Variants in HECTD4 observed in about 807,000 individuals in gnomAD.
The protein encoded by HECTD4 is probable E3 ubiquitin-protein ligase HECTD4.
HECTD4 carries 114 observed loss-of-function variants against 471.5 expected under a neutral mutation model. The ratio of observed to expected loss-of-function variants is 0.24; its 90% CI spans 0.21 to 0.28. HECTD4 has a LOEUF of 0.28. HECTD4 is among the 10% of genes least tolerant of loss of function. The pLI is 1.00. For synonymous variants in HECTD4, 2,012 were observed against 2,256.0 expected (o/e 0.89, Z 3.07); for missense variants, 3,866 against 5,651.5 (o/e 0.68, Z 10.13).
intron 29 of HECTD4, among the ~76,000 whole-genome samples, chr12:112,246,470 C>A (rs1291962959): frequency 6.6e-6 from 1 of 151,976 alleles, no homozygotes; most frequent in African/African-American, 2.4e-5. Context: ...CCCGTCTCTA[C>A]CAAAAATACA....
intron 62 of HECTD4, among the ~76,000 whole-genome samples, chr12:112,180,114 G>A (rs74187049): frequency 0.087 from 13,211 of 152,270 alleles, 629 homozygotes; most frequent in East Asian, 0.23. Flanking sequence ...CCTCTGGACT[G>A]CTCCCTCTCC....
At position 112,161,579 on chromosome 12, in the gene HECTD4, C is replaced by T. The variant is rs555658241; in HGVS notation, c.*808G>A. The stretch of plus-strand genomic sequence containing the variant: ...CAACCAGAGTCTCGGAGGAGGCCCC[C>T]ACCTGAGCATTGTCCCCCATCTCTG... On this transcript the variant is annotated 3_prime_UTR_variant, in exon 76 of 76. Coordinates refer to ENST00000682272, the MANE Select transcript of HECTD4 (RefSeq NM_001388303.1). The T allele has an allele frequency of 8.1e-4, 123 of 152,660 alleles. No homozygotes were observed. Among genetic ancestry groups the T allele is most frequent in the Non-Finnish European group, 1.5e-3 (105 of 68,362 alleles). The allele number at this position is 152,660 out of a possible 1,614,324, so 9.5% of individuals were successfully genotyped here.
At chr12:112,303,678 T>A (rs1453889745) in intron 7 of HECTD4, among the ~76,000 whole-genome samples, 1 of 151,714 alleles carries the variant, frequency 6.6e-6, no homozygotes, top group African/African-American at 2.4e-5. Context: ...GGTGAAACCC[T>A]GTCTCTACAA....
At chr12:112,291,197 A>G (rs2034877886) in intron 7 of HECTD4, among the ~76,000 whole-genome samples, 2 of 152,220 alleles carry the variant, frequency 1.3e-5, no homozygotes, top group African/African-American at 4.8e-5. Flanking sequence ...ATACTAAAAT[A>G]TACACAAAAA....
At position 112,284,453 on chromosome 12, in the gene HECTD4, G is replaced by A. The variant is rs147331849; in HGVS notation, c.1336-1151C>T. Among the ~76,000 whole-genome samples the A allele has an allele frequency of 4.8e-3, 731 of 152,324 alleles. 7 individuals are homozygous for A. The highest frequency in any genetic ancestry group is 0.016 in the African/African-American group (650 of 41,576). ...GGAAAGCAAAAGAGGAGTCCACAGGGAAAGGTTGGTAACACAGAAGGGGCA... is the reference window on the plus strand; with the variant it reads ...GGAAAGCAAAAGAGGAGTCCACAGGAAAAGGTTGGTAACACAGAAGGGGCA... On this transcript the variant is annotated intron_variant, in intron 7 of 75. Transcript: ENST00000682272.
intron 7 of HECTD4, among the ~76,000 whole-genome samples, chr12:112,283,659 G>C (rs2034690705): frequency 6.6e-6 from 1 of 152,200 alleles, no homozygotes; most frequent in Non-Finnish European, 1.5e-5. Context: ...TACTGTTAAG[G>C]ACAACTATGA....
In HECTD4 at chr12:112,259,154, G is replaced by C. The variant is rs2034089056; in HGVS notation, c.2985C>G (p.Ala995=). 1.9e-6 allele frequency: 3 copies of C among 1,613,644 alleles called. No homozygotes were observed. In the Admixed American group the frequency reaches 5.0e-5, roughly 27 times the overall value. Reference sequence around the variant, plus strand: ...CCAGCTGCACTAGCTGAGGCATCAGGGCATCCGCCATGATCAGAGTCTGTA... The same window carrying C: ...CCAGCTGCACTAGCTGAGGCATCAGCGCATCCGCCATGATCAGAGTCTGTA... ...PNLQTLIMAD[A]LMPQLVQLVL... is the part of the protein sequence containing the mutation. Residue 995 remains alanine (A), a synonymous_variant, in exon 19 of 76, where the codon GCC becomes GCG. Transcript: ENST00000682272.
At chr12:112,332,310 A>G (rs1419395471) in intron 1 of HECTD4, among the ~76,000 whole-genome samples, 1 of 152,080 alleles carries the variant, frequency 6.6e-6, no homozygotes, top group Non-Finnish European at 1.5e-5. Context: ...AGGCAGGTGG[A>G]TCACCTAAGG....
At chr12:112,328,140 A>G (rs951316260) in intron 1 of HECTD4, among the ~76,000 whole-genome samples, 15 of 148,820 alleles carry the variant, frequency 1.0e-4, no homozygotes, top group African/African-American at 3.3e-4. Flanking sequence ...TTATTTATTT[A>G]TTTATTTATT....
chr12:112,172,997 T>C (rs1398043691), intron 66 of HECTD4, 136 bp from the exon 67 acceptor site: 3 of 744,258 alleles, frequency 4.0e-6, no homozygotes, highest in East Asian at 2.6e-5. Context: ...AGGTTGTTTC[T>C]TGGTGCCTGG....
chr12:112,248,011 A>G, intron 27 of HECTD4, 56 bp downstream of exon 27: 1 of 1,196,366 alleles, frequency 8.4e-7, no homozygotes, highest in Non-Finnish European at 1.2e-6. Flanking sequence ...CACACAGTAT[A>G]TACCTTTGCT....
chr12:112,300,434 C>T (rs902680803), intron 7 of HECTD4, among the ~76,000 whole-genome samples: 3 of 151,988 alleles, frequency 2.0e-5, no homozygotes, highest in African/African-American at 7.2e-5. Context: ...TTTCGAATTG[C>T]TCAACATTTG....
At chr12:112,269,461 GTT>G (rs1818077260) in intron 13 of HECTD4, among the ~76,000 whole-genome samples, 1 of 151,256 alleles carries the variant, frequency 6.6e-6, no homozygotes, top group African/African-American at 2.5e-5. Flanking sequence ...GGTTGGTTTT[GTT>G]TGTTTGTTTG....
chr12:112,277,641 G>C (rs1261499169), intron 9 of HECTD4, among the ~76,000 whole-genome samples: 1 of 152,164 alleles, frequency 6.6e-6, no homozygotes, highest in Non-Finnish European at 1.5e-5. Context: ...TCTTCCTGGA[G>C]ACCAAGCCCA....
Position 112,273,751 on chromosome 12 carries a change from T to C in HECTD4, c.1846A>G (p.Asn616Asp). The change falls in exon 11 of 76, where the codon AAT (asparagine) becomes GAT (aspartate). Residue 616 changes from asparagine to aspartate, a missense_variant. This residue lies in a region of HECTD4 where 525 missense variants were observed against 672.6 expected (regional missense o/e 0.78). Coordinates refer to ENST00000682272, the MANE Select transcript of HECTD4 (RefSeq NM_001388303.1). Reference protein sequence around the residue: ...TVNNMLWTCSNDYIDQWCNPG... With the variant: ...TVNNMLWTCSDDYIDQWCNPG... ...TTACACCACTGATCGATATAGTCAT[T>C]TGAGCATGTCCATAGCATGTTGTTC... is the stretch of plus-strand genomic sequence containing the variant. 1 of 1,613,994 alleles carries C rather than the reference T, an allele frequency of 6.2e-7. No individual in the cohort carries two copies. Among genetic ancestry groups the C allele is most frequent in the Non-Finnish European group, 8.5e-7 (1 of 1,179,852 alleles).
At chr12:112,257,741 T>C (rs1291104411) in intron 20 of HECTD4, among the ~76,000 whole-genome samples, 1 of 152,266 alleles carries the variant, frequency 6.6e-6, no homozygotes, top group Non-Finnish European at 1.5e-5. Flanking sequence ...CACTTACTGA[T>C]GGACGTTTAT....
chr12:112,175,790 A>G lies in HECTD4; in HGVS notation c.11540T>C (p.Ile3847Thr), dbSNP rs1235242460. ...KFVIDRARQD[I>T]RSVWRAILSC... is the part of the protein sequence containing the mutation. ...CAAGATCGCCCTCCAGACGCTACGG[A>G]TATCTTGCCTGGCTCGGTCAATAAC... Residue 3847 changes from isoleucine (I) to threonine (T), a missense_variant, in exon 66 of 76, where the codon ATC (isoleucine) becomes ACC (threonine). By Grantham distance (89) the Ile-to-Thr change is moderately conservative. Around this residue, in one of 16 missense-constraint regions of HECTD4, gnomAD observed 715 missense variants for 1,087.6 expected, o/e 0.66. Transcript: ENST00000682272. The G allele has an allele frequency of 1.2e-6, 2 of 1,613,422 alleles. No homozygotes were observed. The highest frequency in any genetic ancestry group is 2.2e-5 in the East Asian group (1 of 44,892).
intron 40 of HECTD4, among the ~76,000 whole-genome samples, chr12:112,230,417 A>G (rs2033349937): frequency 1.3e-5 from 2 of 152,098 alleles, no homozygotes; most frequent in African/African-American, 4.8e-5. Context: ...CCAATCTAAC[A>G]TAAGCAAGAA....
rs751793211 is a variant in HECTD4 at position 112,184,913 on chromosome 12, C to T, written c.10053G>A (p.Met3351Ile). Residue 3351 changes from methionine to isoleucine, a missense_variant, in exon 61 of 76, where the codon ATG (methionine) becomes ATA (isoleucine). Met to Ile is a conservative substitution (Grantham distance 10). Around this residue, in one of 16 missense-constraint regions of HECTD4, gnomAD observed 71 missense variants for 144.5 expected, o/e 0.49. Coordinates refer to ENST00000682272, the MANE Select transcript of HECTD4 (RefSeq NM_001388303.1). The surrounding 1 kb of genome is among the most constrained non-coding windows in gnomAD (Gnocchi z 9.1). ...GGGTGAGTGCGCGGTGGAACCACAG[C>T]ATGTCCTCGGGCTTGCTGCCTCCGA... ...LSIGGSKPED[M>I]LWFHRALTLL... 6.2e-7 allele frequency: 1 copy of T among 1,613,430 alleles called. No homozygotes were observed. The highest frequency in any genetic ancestry group is 8.5e-7 in the Non-Finnish European group (1 of 1,179,664).
Sources: allele counts gnomAD v4.1 joint callset (sites outside exome capture counted in the v4.1 genomes callset), GRCh38; gene constraint gnomAD v4.1.1; regional missense constraint gnomAD v4.1.1; non-coding constraint Gnocchi (gnomAD v3.1); transcripts MANE v1.5; gene names NCBI Gene and HGNC (gene_info 2026-07-23, HGNC 2026-07-21).